The following TCF20 variants were observed in gnomAD, a reference collection of about 807,000 sequenced individuals.
TCF20 encodes SPRE-binding protein.
A neutral mutation model predicts 148.6 loss-of-function variants in TCF20; 3 were observed. The ratio of observed to expected loss-of-function variants is 0.02; its 90% CI spans 0.01 to 0.05. TCF20 has a LOEUF of 0.05. Ranked by LOEUF, TCF20 falls within the 10% of genes least tolerant of loss-of-function variation. The pLI, the probability that TCF20 is intolerant of heterozygous loss-of-function variation, is 1.00. For synonymous variants in TCF20, 1,049 were observed against 909.5 expected (o/e 1.15, Z -2.76); for missense variants, 2,350 against 2,429.3 (o/e 0.97, Z 0.69).
At position 42,231,181 on chromosome 22, in the gene TCF20, A is replaced by T. The variant is rs559701958; in HGVS notation, c.-36-15840T>A. ...TGTCTCAAATAATGATAATAAATAGAAAAAAAAGCTTATAAAGTGGCTAGG... is the reference window on the plus strand; with the variant it reads ...TGTCTCAAATAATGATAATAAATAGTAAAAAAAGCTTATAAAGTGGCTAGG... On this transcript the variant is annotated intron_variant, in intron 1 of 5. Coordinates refer to ENST00000677622, the MANE Select transcript of TCF20 (RefSeq NM_001378418.1). 6.7e-4 allele frequency among the ~76,000 whole-genome samples: 102 copies of T among 152,110 alleles called. 1 individual carries two copies. The highest frequency in any genetic ancestry group is 2.0e-3 in the African/African-American group (82 of 41,470).
chr22:42,186,382 A>G (rs1937047028), intron 2 of TCF20, among the ~76,000 whole-genome samples: 1 of 152,244 alleles, frequency 6.6e-6, no homozygotes, highest in African/African-American at 2.4e-5. Flanking sequence ...AAAGTGTTTT[A>G]CAAACTAGAA....
At chr22:42,327,045 G>A (rs1927887933) in intron 1 of TCF20, among the ~76,000 whole-genome samples, 1 of 152,216 alleles carries the variant, frequency 6.6e-6, no homozygotes, top group Non-Finnish European at 1.5e-5. Flanking sequence ...TGATGACTGT[G>A]TGCCAGGCAC....
Position 42,215,088 on chromosome 22 carries a change from G to A in TCF20, c.218C>T (p.Thr73Ile), listed in dbSNP as rs1921583394. ...ACCCTGGTAACCTTGATGGCCAGAG[G>A]TCTCGCTAGCCATCGCTGCCGCAGC... Reference protein sequence around the residue: ...AAAAAAMASETSGHQGYQGFR... With the variant: ...AAAAAAMASEISGHQGYQGFR... The change falls in exon 2 of 6, where the codon ACC becomes ATC. Residue 73 changes from threonine to isoleucine, a missense_variant. By Grantham distance (89) the Thr-to-Ile change is moderately conservative. Coordinates refer to ENST00000677622, the MANE Select transcript of TCF20 (RefSeq NM_001378418.1). 6 of 1,614,176 alleles carry A rather than the reference G, an allele frequency of 3.7e-6. No individual in the cohort carries two copies. The highest frequency in any genetic ancestry group is 4.2e-6 in the Non-Finnish European group (5 of 1,180,028).
At chr22:42,249,424 G>C (rs973261517) in intron 1 of TCF20, among the ~76,000 whole-genome samples, 1 of 152,194 alleles carries the variant, frequency 6.6e-6, no homozygotes, top group Non-Finnish European at 1.5e-5. Flanking sequence ...TGGTGTTGGG[G>C]AAGCTGAGTA....
At position 42,161,132 on chromosome 22, in the gene TCF20, C is replaced by A; in HGVS notation, c.*271G>T. 2.5e-6 allele frequency: 1 copy of A among 401,058 alleles called. No homozygotes were observed. The highest frequency in any genetic ancestry group is 4.0e-5 in the East Asian group (1 of 25,244). 24.8% of individuals were successfully genotyped at this position (401,058 alleles called of 1,614,324 possible). A position where few individuals can be genotyped will look rare whatever the true frequency, so the allele number is the denominator to read the frequency against. ...ATCCCACCCCTCCCCCCTCCCCCCA[C>A]ATTGTCACTATGGAGATTGTGTCCA... On this transcript the variant is annotated 3_prime_UTR_variant, in exon 6 of 6. Coordinates refer to ENST00000677622, the MANE Select transcript of TCF20 (RefSeq NM_001378418.1).
intron 1 of TCF20, among the ~76,000 whole-genome samples, chr22:42,222,547 C>CA (rs1360371958): frequency 6.6e-6 from 1 of 152,108 alleles, no homozygotes; most frequent in Non-Finnish European, 1.5e-5. Flanking sequence ...TGCTTCTCCC[C>CA]ACCCTCTCAA....
intron 3 of TCF20, among the ~76,000 whole-genome samples, chr22:42,172,695 T>C (rs1936201153): frequency 6.6e-6 from 1 of 152,198 alleles, no homozygotes; most frequent in Admixed American, 6.5e-5. Context: ...AGGCTGAGGA[T>C]GGTGGGCTCA....
At chr22:42,161,674 C>A (rs942932974) in intron 5 of TCF20, among the ~76,000 whole-genome samples, 1 of 152,232 alleles carries the variant, frequency 6.6e-6, no homozygotes, top group East Asian at 1.9e-4. Flanking sequence ...GACCTCAGGG[C>A]AGGCCCCACT....
chr22:42,268,751 G>C (rs1368446925), intron 1 of TCF20, among the ~76,000 whole-genome samples: 2 of 152,138 alleles, frequency 1.3e-5, no homozygotes, highest in Non-Finnish European at 2.9e-5. Context: ...AATATGTTAA[G>C]GTGCATTCCA....
intron 2 of TCF20, among the ~76,000 whole-genome samples, chr22:42,208,233 A>T (rs2147188260): frequency 6.6e-6 from 1 of 152,348 alleles, no homozygotes; most frequent in East Asian, 1.9e-4. Flanking sequence ...AAACGATTAT[A>T]GCCATCAACT....
rs550928191 is a variant in TCF20, at chr22:42,232,055, G to A, written c.-36-16714C>T. 5.9e-5 allele frequency among the ~76,000 whole-genome samples: 9 copies of A among 152,034 alleles called. No homozygotes were observed. The South Asian group carries it at 6.2e-4, about 11-fold the overall frequency. ...TACATCTACAGTAGTGTGCAGTAACGTCCTGGGCCTTTACCTTCATTCACC... is the reference window on the plus strand; with the variant it reads ...TACATCTACAGTAGTGTGCAGTAACATCCTGGGCCTTTACCTTCATTCACC... On this transcript the variant is annotated intron_variant, in intron 1 of 5. Transcript: ENST00000677622.
chr22:42,339,526 T>A (rs183993755), intron 1 of TCF20, among the ~76,000 whole-genome samples: 58 of 152,296 alleles, frequency 3.8e-4, no homozygotes, highest in Admixed American at 9.8e-4. Flanking sequence ...AGTGAGGAGT[T>A]GGGGCAGCTG....
intron 1 of TCF20, among the ~76,000 whole-genome samples, chr22:42,257,048 TACTC>T (rs554635993): frequency 2.0e-5 from 3 of 152,174 alleles, no homozygotes; most frequent in Non-Finnish European, 4.4e-5. Flanking sequence ...TAGTCGCAGA[TACTC>T]AGGAGGCCGA....
At position 42,211,449 on chromosome 22, in the gene TCF20, T is replaced by C. The variant is rs1920961105; in HGVS notation, c.3857A>G (p.His1286Arg). The change falls in exon 2 of 6, where the codon CAC becomes CGC. Residue 1286 changes from histidine to arginine, a missense_variant. Physicochemically the swap from His to Arg is conservative, Grantham distance 29. Coordinates refer to ENST00000677622, the MANE Select transcript of TCF20 (RefSeq NM_001378418.1). The part of the protein sequence containing the change: ...SSTEDKGRLL[H>R]SSKEGADKAF... ...TTTATCAGCGCCTTCTTTTGATGAG[T>C]GAAGGAGGCGACCTTTATCTTCAGT... 6.2e-7 allele frequency: 1 copy of C among 1,614,040 alleles called. No homozygotes were observed. Among genetic ancestry groups the C allele is most frequent in the Admixed American group, 1.7e-5 (1 of 59,994 alleles).
intron 1 of TCF20, among the ~76,000 whole-genome samples, chr22:42,226,649 G>A (rs951827777): frequency 6.6e-6 from 1 of 152,202 alleles, no homozygotes; most frequent in African/African-American, 2.4e-5. Flanking sequence ...AGGTTGCAGT[G>A]AGCCAAGATC....
In TCF20 at chr22:42,317,459, TGTCTGGCCCACCAA is replaced by T. The variant is rs1927652479; in HGVS notation, c.-37+26006_-37+26019del. Among the ~76,000 whole-genome samples the T allele has an allele frequency of 6.6e-6, 1 of 152,178 alleles. No individual in the cohort carries two copies. Among genetic ancestry groups the T allele is most frequent in the Non-Finnish European group, 1.5e-5 (1 of 68,024 alleles). On this transcript the variant is annotated intron_variant, in intron 1 of 1. Coordinates refer to the TCF20 transcript ENST00000515426. The surrounding 1 kb of genome is among the most constrained non-coding windows in gnomAD (Gnocchi z 4.2). The stretch of plus-strand genomic sequence containing the variant: ...GGAAAATCTCCTTTTCCTCCCACTA[TGTCTGGCCCACCAA>T]GCCCACCTAGGCCCTTCCCCAGTGT...
chr22:42,233,659 A>G (rs950952645), intron 1 of TCF20, among the ~76,000 whole-genome samples: 3 of 152,256 alleles, frequency 2.0e-5, no homozygotes, highest in African/African-American at 7.2e-5. Flanking sequence ...AGAGCAAGCA[A>G]TCGAACACTG....
intron 1 of TCF20, chr22:42,276,444 T>A (rs1926780806): frequency 6.6e-6 from 1 of 152,218 alleles, no homozygotes; most frequent in Non-Finnish European, 1.5e-5. Flanking sequence ...CCTCAGGTCC[T>A]CAAGAGTCCT....
chr22:42,248,733 G>A (rs183301911), intron 1 of TCF20, among the ~76,000 whole-genome samples: 13 of 152,212 alleles, frequency 8.5e-5, no homozygotes, highest in South Asian at 2.1e-4. Flanking sequence ...CCCAAAAGCC[G>A]AATTTTGGGG....
Sources: gnomAD v4.1 joint callset for allele counts (sites outside exome capture counted in the v4.1 genomes callset) on GRCh38, gnomAD v4.1.1 for gene constraint, Gnocchi (gnomAD v3.1) non-coding constraint, MANE v1.5 for transcripts, NCBI Gene and HGNC (gene_info 2026-07-23, HGNC 2026-07-21) for gene names.